Variants in XPO6 observed in about 807,000 individuals in gnomAD.
XPO6 encodes exportin-6.
A neutral mutation model predicts 130.0 loss-of-function variants in XPO6; 3 were observed. That is an observed-to-expected ratio of 0.02 (90% CI 0.01 to 0.06). XPO6 has a LOEUF of 0.06. Ranked by LOEUF, XPO6 falls within the 10% of genes least tolerant of loss-of-function variation. The pLI is 1.00. For synonymous variants in XPO6, 524 were observed against 548.9 expected (o/e 0.95, Z 0.63); for missense variants, 970 against 1,393.0 (o/e 0.70, Z 4.83).
intron 9 of XPO6, among the ~76,000 whole-genome samples, chr16:28,142,326 G>A (rs971643182): frequency 2.6e-5 from 4 of 152,190 alleles, no homozygotes; most frequent in African/African-American, 4.8e-5. Context: ...CTGCAAAACA[G>A]CATATCTCTG....
chr16:28,132,580 A>G lies in XPO6; in HGVS notation c.1537-177T>C, dbSNP rs2042692792. On this transcript the variant is annotated intron_variant, in intron 11 of 23. Transcript: ENST00000304658. The surrounding 1 kb of genome is among the most constrained non-coding windows in gnomAD (Gnocchi z 4.0). ...TATGACCCCCCTTCAGTGCCCCCCA[A>G]CTAGTTTCTATAATTGAAACCGCCA... 1.3e-5 allele frequency among the ~76,000 whole-genome samples: 2 copies of G among 150,990 alleles called. No individual in the cohort carries two copies. Among genetic ancestry groups the G allele is most frequent in the Non-Finnish European group, 1.5e-5 (1 of 67,724 alleles).
At chr16:28,131,589 C>T (rs1179967695) in intron 12 of XPO6, among the ~76,000 whole-genome samples, 1 of 152,110 alleles carries the variant, frequency 6.6e-6, no homozygotes, top group African/African-American at 2.4e-5. Flanking sequence ...TTTGTCATTC[C>T]CTATTATACC....
At chr16:28,155,850 A>T in intron 7 of XPO6, 1 of 1,197,386 alleles carries the variant, frequency 8.4e-7, no homozygotes, top group South Asian at 2.1e-5. Flanking sequence ...AAAGACAACA[A>T]ACCTACACAA....
chr16:28,098,789 C>T, intron 23 of XPO6, 150 bp from the exon 24 acceptor site: 1 of 553,938 alleles, frequency 1.8e-6, no homozygotes, highest in Non-Finnish European at 3.2e-6. Flanking sequence ...CACTGCGTGT[C>T]ACAGAGACTC....
intron 23 of XPO6, among the ~76,000 whole-genome samples, chr16:28,100,236 C>T (rs1296943778): frequency 2.0e-5 from 3 of 152,196 alleles, no homozygotes; most frequent in Admixed American, 6.5e-5. Context: ...GTGATCCGCC[C>T]GCCTTGGCCT....
At chr16:28,139,801 A>C (rs1330915782) in intron 9 of XPO6, among the ~76,000 whole-genome samples, 4 of 152,250 alleles carry the variant, frequency 2.6e-5, no homozygotes, top group Non-Finnish European at 5.9e-5. Flanking sequence ...AAAGAAAACT[A>C]AATGTGTATG....
chr16:28,149,095 G>A (rs1182369080), intron 8 of XPO6, among the ~76,000 whole-genome samples: 5 of 149,676 alleles, frequency 3.3e-5, no homozygotes, highest in Admixed American at 3.3e-4. Flanking sequence ...TGGATCTTAA[G>A]GCTCTGTGGT....
chr16:28,127,206 C>T (rs2087442469), intron 12 of XPO6, among the ~76,000 whole-genome samples: 3 of 152,164 alleles, frequency 2.0e-5, no homozygotes, highest in Admixed American at 1.3e-4. Context: ...CCCAGAGCCT[C>T]GTGTCTCTGT....
chr16:28,180,313 C>T (rs764922309), intron 2 of XPO6, among the ~76,000 whole-genome samples: 1 of 152,130 alleles, frequency 6.6e-6, no homozygotes, highest in Non-Finnish European at 1.5e-5. Flanking sequence ...TGCAGTGAGC[C>T]GAGATCGCCC....
intron 9 of XPO6, among the ~76,000 whole-genome samples, chr16:28,137,790 G>A (rs1013125291): frequency 4.6e-5 from 7 of 152,076 alleles, no homozygotes; most frequent in Non-Finnish European, 8.8e-5. Context: ...GTGATGCTGA[G>A]GTTTGAGGTA....
intron 1 of XPO6, among the ~76,000 whole-genome samples, chr16:28,192,077 T>C (rs1409145596): frequency 6.6e-6 from 1 of 151,896 alleles, no homozygotes; most frequent in African/African-American, 2.4e-5. Context: ...CTGGCCAACA[T>C]GGTGAAACCC....
intron 12 of XPO6, among the ~76,000 whole-genome samples, chr16:28,129,236 C>G (rs900758515): frequency 6.6e-6 from 1 of 152,170 alleles, no homozygotes; most frequent in African/African-American, 2.4e-5. Context: ...GCAATAAATA[C>G]CCCAAATCAA....
At chr16:28,184,656 T>C (rs1187417403) in intron 1 of XPO6, among the ~76,000 whole-genome samples, 1 of 151,162 alleles carries the variant, frequency 6.6e-6, no homozygotes, top group Non-Finnish European at 1.5e-5. Context: ...AATAATTAAT[T>C]ATAAAAGAGG....
chr16:28,142,164 C>A (rs2042907109), intron 9 of XPO6, among the ~76,000 whole-genome samples: 1 of 152,200 alleles, frequency 6.6e-6, no homozygotes, highest in Non-Finnish European at 1.5e-5. Context: ...CTACTTCCTG[C>A]AAGATTAGTT....
intron 4 of XPO6, among the ~76,000 whole-genome samples, chr16:28,175,489 C>T (rs1365477784): frequency 6.6e-6 from 1 of 152,198 alleles, no homozygotes; most frequent in Non-Finnish European, 1.5e-5. Flanking sequence ...AACACCAAGT[C>T]TACATGCTAT....
Position 28,106,095 on chromosome 16 carries a change from A to G in XPO6, c.2732T>C (p.Leu911Pro). Reference sequence around the variant, plus strand: ...CATGCACAGGGCGATGATGCTGGGGAGGAAGGGCTTGAACACCTGGCCTGG... The same window carrying G: ...CATGCACAGGGCGATGATGCTGGGGGGGAAGGGCTTGAACACCTGGCCTGG... ...QEPGQVFKPF[L>P]PSIIALCMEQ... Residue 911 changes from leucine to proline, a missense_variant, in exon 20 of 24, where the codon CTC (leucine) becomes CCC (proline). By Grantham distance (98) the Leu-to-Pro change is moderately conservative (BLOSUM62 -3). This residue lies in a region of XPO6 where 936 missense variants were observed against 1,306.8 expected (regional missense o/e 0.72). Coordinates refer to ENST00000304658, the MANE Select transcript of XPO6 (RefSeq NM_015171.4). The surrounding 1 kb of genome is among the most constrained non-coding windows in gnomAD (Gnocchi z 4.2). The G allele has an allele frequency of 6.2e-7, 1 of 1,614,182 alleles. No individual in the cohort carries two copies. Among genetic ancestry groups the G allele is most frequent in the Non-Finnish European group, 8.5e-7 (1 of 1,180,034 alleles).
chr16:28,210,396 G>A (rs949073163), intron 1 of XPO6, among the ~76,000 whole-genome samples: 1 of 152,176 alleles, frequency 6.6e-6, no homozygotes, highest in African/African-American at 2.4e-5. Context: ...TCCACTCCTC[G>A]AGGTGCTCAA....
chr16:28,144,016 A>G (rs185014285), intron 9 of XPO6, among the ~76,000 whole-genome samples: 7 of 152,374 alleles, frequency 4.6e-5, no homozygotes, highest in Admixed American at 3.9e-4. Context: ...ATATGAAGGA[A>G]TATCTACCAC....
intron 6 of XPO6, among the ~76,000 whole-genome samples, chr16:28,163,964 TA>T (rs2043317297): frequency 6.6e-6 from 1 of 152,142 alleles, no homozygotes; most frequent in African/African-American, 2.4e-5. Flanking sequence ...GTTTAGGAGT[TA>T]AGGTAACAAT....
Sources: gnomAD v4.1 joint callset for allele counts (sites outside exome capture counted in the v4.1 genomes callset) on GRCh38, gnomAD v4.1.1 for gene constraint, gnomAD v4.1.1 regional missense constraint, Gnocchi (gnomAD v3.1) non-coding constraint, MANE v1.5 for transcripts, NCBI Gene and HGNC (gene_info 2026-07-23, HGNC 2026-07-21) for gene names.